The following RBFOX3 variants were observed in gnomAD, a reference collection of about 807,000 sequenced individuals.
RBFOX3 encodes RNA binding protein fox-1 homolog 3.
Under a neutral mutation model 48.7 loss-of-function variants are expected in RBFOX3, and 17 were observed. That is an observed-to-expected ratio of 0.35 (90% CI 0.24 to 0.52). The LOEUF (loss-of-function observed/expected upper bound fraction) is 0.52. Among genes scored for constraint, RBFOX3 ranks in the 20% least tolerant of loss-of-function variants. The pLI, the probability that RBFOX3 is intolerant of heterozygous loss-of-function variation, is 0.94. For missense variants in RBFOX3, 382 were observed against 497.5 expected, an observed-to-expected ratio of 0.77 and a Z score of 2.21; for synonymous variants, 212 against 209.5, an observed-to-expected ratio of 1.01 and a Z score of -0.10.
intron 2 of RBFOX3, among the ~76,000 whole-genome samples, chr17:79,317,645 T>A (rs1340191155): frequency 6.6e-6 from 1 of 152,224 alleles, no homozygotes; most frequent in Non-Finnish European, 1.5e-5. Flanking sequence ...GACTTGAAAT[T>A]GTCTGCAAAT....
intron 2 of RBFOX3, among the ~76,000 whole-genome samples, chr17:79,454,166 C>T (rs1555743319): frequency 5.9e-5 from 9 of 152,152 alleles, no homozygotes. Flanking sequence ...TCAGCCCCTT[C>T]TGCACCTCTC....
intron 4 of RBFOX3, among the ~76,000 whole-genome samples, chr17:79,159,646 A>G (rs1273757350): frequency 6.6e-6 from 1 of 152,216 alleles, no homozygotes; most frequent in Admixed American, 6.5e-5. Flanking sequence ...TGGTAGGGAC[A>G]CATGCACAGG....
chr17:79,276,212 G>A (rs570980869), intron 3 of RBFOX3, among the ~76,000 whole-genome samples: 20 of 152,290 alleles, frequency 1.3e-4, no homozygotes, highest in African/African-American at 4.1e-4. Flanking sequence ...CCAAGGGCTG[G>A]CCGAGGCAGA....
intron 3 of RBFOX3, among the ~76,000 whole-genome samples, chr17:79,305,740 G>A (rs1179099799): frequency 6.6e-6 from 1 of 152,186 alleles, no homozygotes; most frequent in Non-Finnish European, 1.5e-5. Context: ...GCCTCCGCTG[G>A]GCCATTTTTC....
chr17:79,224,209 T>C (rs1264265056), intron 4 of RBFOX3, among the ~76,000 whole-genome samples: 1 of 151,748 alleles, frequency 6.6e-6, no homozygotes, highest in African/African-American at 2.4e-5. Flanking sequence ...CCACCGCAGA[T>C]GCCTCCAAGG....
intron 12 of RBFOX3, among the ~76,000 whole-genome samples, chr17:79,096,171 C>G (rs971940979): frequency 2.0e-5 from 3 of 152,212 alleles, no homozygotes; most frequent in South Asian, 2.1e-4. Context: ...GTCAGTGAGT[C>G]TGAGACAGAG....
chr17:79,562,430 A>C (rs1464257360), intron 1 of RBFOX3, among the ~76,000 whole-genome samples: 2 of 152,150 alleles, frequency 1.3e-5, no homozygotes, highest in Non-Finnish European at 2.9e-5. Flanking sequence ...TGGATGCTAG[A>C]GATTAGATTG....
rs117472193 is a variant in RBFOX3 at position 79,214,150 on chromosome 17, C to G, written c.-34+21616G>C. Among the ~76,000 whole-genome samples the G allele has an allele frequency of 1.3e-5, 2 of 152,194 alleles. No homozygotes were observed. The highest frequency in any genetic ancestry group is 2.9e-5 in the Non-Finnish European group (2 of 68,032). On this transcript the variant is annotated intron_variant, in intron 4 of 14. Coordinates refer to ENST00000693108, the MANE Select transcript of RBFOX3 (RefSeq NM_001350451.2). The surrounding 1 kb of genome is among the most constrained non-coding windows in gnomAD (Gnocchi z 4.7). Reference sequence around the variant, plus strand: ...CTTTGGTAAACCATGATGGATCTCTCTTTAGGAACTGCCCCTCACCAGAGC... The same window carrying G: ...CTTTGGTAAACCATGATGGATCTCTGTTTAGGAACTGCCCCTCACCAGAGC...
intron 4 of RBFOX3, among the ~76,000 whole-genome samples, chr17:79,139,481 C>T (rs1386184886): frequency 6.6e-6 from 1 of 152,262 alleles, no homozygotes; most frequent in Non-Finnish European, 1.5e-5. Flanking sequence ...TTCTCATTGG[C>T]TCGTGAAGAG....
chr17:79,359,827 G>A (rs2085952419), intron 2 of RBFOX3, among the ~76,000 whole-genome samples: 1 of 152,010 alleles, frequency 6.6e-6, no homozygotes, highest in Non-Finnish European at 1.5e-5. Context: ...TTGGGCTCAA[G>A]TGATCCTCCC....
chr17:79,134,546 T>G (rs895976239), intron 4 of RBFOX3, among the ~76,000 whole-genome samples: 7 of 152,226 alleles, frequency 4.6e-5, no homozygotes, highest in Admixed American at 4.6e-4. Flanking sequence ...TGGTGAGCTT[T>G]GAGACTCTGC....
At chr17:79,124,012 T>A (rs2036486824) in intron 4 of RBFOX3, among the ~76,000 whole-genome samples, 2 of 152,090 alleles carry the variant, frequency 1.3e-5, no homozygotes, top group Non-Finnish European at 1.5e-5. Context: ...TCCCACACAC[T>A]CTACTGCACA....
At chr17:79,196,925 C>T (rs1230396858) in intron 4 of RBFOX3, among the ~76,000 whole-genome samples, 1 of 152,188 alleles carries the variant, frequency 6.6e-6, no homozygotes, top group Non-Finnish European at 1.5e-5. Context: ...TGGAAGTGTA[C>T]TGGGGCCCAC....
At position 79,103,292 on chromosome 17, in the gene RBFOX3, G is replaced by T. The variant is rs1198725986; in HGVS notation, c.415-38C>A. The T allele has an allele frequency of 7.8e-6, 11 of 1,409,338 alleles. No homozygotes were observed. The highest frequency in any genetic ancestry group is 1.1e-5 in the Non-Finnish European group (11 of 1,017,874). 87.3% of individuals were successfully genotyped at this position (1,409,338 alleles called of 1,614,324 possible). On this transcript the variant is annotated intron_variant, in intron 7 of 14. Transcript: ENST00000693108. This position sits in a 1 kb window ranked among gnomAD's most constrained non-coding sequence, Gnocchi z 6.1. ...GAGAGGGAAGGACAGGCACGGAGAG[G>T]AGGACACAGGGCGAGAAAGAGGAGG...
At chr17:79,183,912 C>T (rs1183504311) in intron 4 of RBFOX3, among the ~76,000 whole-genome samples, 2 of 151,684 alleles carry the variant, frequency 1.3e-5, no homozygotes, top group African/African-American at 4.9e-5. Context: ...GCCCCTCCTC[C>T]CCCCCGTTGC....
the RBFOX3 span, among the ~76,000 whole-genome samples, chr17:79,627,743 C>T: frequency 1.3e-5 from 2 of 152,158 alleles, no homozygotes; most frequent in Non-Finnish European, 2.9e-5. Flanking sequence ...CCTCTCTCCT[C>T]CTCCTTCTCT....
At chr17:79,359,819 G>C (rs971782630) in intron 2 of RBFOX3, among the ~76,000 whole-genome samples, 1 of 151,756 alleles carries the variant, frequency 6.6e-6, no homozygotes, top group Non-Finnish European at 1.5e-5. Context: ...TCAAACTCTT[G>C]GGCTCAAGTG....
intron 12 of RBFOX3, 83 bp downstream of exon 12, chr17:79,096,570 C>T: frequency 8.3e-7 from 1 of 1,209,680 alleles, no homozygotes; most frequent in Non-Finnish European, 1.2e-6. Context: ...GAGGAGCGGG[C>T]AGTGAGAGAG....
chr17:79,283,524 C>T (rs1195211636), intron 3 of RBFOX3, among the ~76,000 whole-genome samples: 1 of 152,208 alleles, frequency 6.6e-6, no homozygotes, highest in Non-Finnish European at 1.5e-5. Flanking sequence ...CCGCCTCGGC[C>T]TCCCAAAGTG....
Sources: gnomAD v4.1 joint callset for allele counts (sites outside exome capture counted in the v4.1 genomes callset) on GRCh38, gnomAD v4.1.1 for gene constraint, Gnocchi (gnomAD v3.1) non-coding constraint, MANE v1.5 for transcripts, NCBI Gene and HGNC (gene_info 2026-07-23, HGNC 2026-07-21) for gene names.